LMBR1: variants seen among roughly 807,000 people sequenced by gnomAD.
LMBR1 encodes the protein limb development membrane protein 1.
LMBR1 carries 52 observed loss-of-function variants against 73.9 expected under a neutral mutation model. The ratio of observed to expected loss-of-function variants is 0.70; its 90% CI spans 0.56 to 0.89. The LOEUF (loss-of-function observed/expected upper bound fraction) is 0.89, where lower values mean the gene tolerates loss of function less well. LMBR1 is among the 40% of genes least tolerant of loss of function. The probability of loss-of-function intolerance (pLI) is 0.00; values close to 1 mark genes in which losing one functional copy is unlikely to be tolerated. For missense variants in LMBR1, 539 were observed against 579.8 expected (o/e 0.93, Z 0.72); for synonymous variants, 215 against 209.4 (o/e 1.03, Z -0.23).
At chr7:156,703,990 C>A (rs886249066) in intron 15 of LMBR1, among the ~76,000 whole-genome samples, 35 of 152,186 alleles carry the variant, frequency 2.3e-4, no homozygotes, top group African/African-American at 8.2e-4. Flanking sequence ...AACACAAGGG[C>A]AAAGTGCTTG....
intron 9 of LMBR1, among the ~76,000 whole-genome samples, chr7:156,741,012 C>T (rs184716093): frequency 4.1e-4 from 62 of 152,116 alleles, no homozygotes; most frequent in African/African-American, 8.7e-4. Flanking sequence ...AGTGTGGGGA[C>T]GAAGTTAAAG....
intron 9 of LMBR1, 32 bp downstream of exon 9, chr7:156,756,361 T>C: frequency 9.9e-7 from 1 of 1,008,180 alleles, no homozygotes; most frequent in Non-Finnish European, 1.6e-6. Flanking sequence ...AAGATTTTTT[T>C]ATCCCCGTCT....
downstream of LMBR1, chr7:156,676,967 A>C: frequency 3.7e-6 from 1 of 267,844 alleles, no homozygotes; most frequent in Non-Finnish European, 7.2e-6. Context: ...ACACTCCTTA[A>C]AGTAAGTTCC....
intron 1 of LMBR1, among the ~76,000 whole-genome samples, chr7:156,845,324 G>A (rs1839415243): frequency 1.3e-5 from 2 of 151,870 alleles, no homozygotes; most frequent in African/African-American, 2.4e-5. Context: ...GCAAGATTCC[G>A]TCTCCAAATA....
chr7:156,692,665 A>G (rs986570606), intron 15 of LMBR1, among the ~76,000 whole-genome samples: 1 of 152,128 alleles, frequency 6.6e-6, no homozygotes, highest in Non-Finnish European at 1.5e-5. Flanking sequence ...CAGTGTAGAG[A>G]GAAGAGCTGA....
rs558058048 is a variant in LMBR1, at chr7:156,719,279, A to G, written c.1225+4833T>C. Among the ~76,000 whole-genome samples, 187 of 151,806 alleles carry G rather than the reference A, an allele frequency of 1.2e-3. 2 individuals carry two copies. The highest frequency in any genetic ancestry group is 6.8e-3 in the Middle Eastern group (2 of 294). On this transcript the variant is annotated intron_variant, in intron 15 of 16. Coordinates refer to ENST00000353442, the MANE Select transcript of LMBR1 (RefSeq NM_022458.4). ...AGTTTACTGAGAATGATGATTTCCA[A>G]TTTCATCCATGTCCCTACAAAGGAC...
At chr7:156,755,215 C>T (rs1480657679) in intron 9 of LMBR1, among the ~76,000 whole-genome samples, 1 of 152,192 alleles carries the variant, frequency 6.6e-6, no homozygotes, top group Non-Finnish European at 1.5e-5. Context: ...GCAAGGGTTT[C>T]CTTTTCAACT....
chr7:156,733,370 G>C (rs748459813), intron 10 of LMBR1, among the ~76,000 whole-genome samples: 1 of 152,130 alleles, frequency 6.6e-6, no homozygotes, highest in Non-Finnish European at 1.5e-5. Context: ...CAAAAACATT[G>C]TAAGTGTTGT....
chr7:156,811,751 C>T (rs978699275), intron 4 of LMBR1, among the ~76,000 whole-genome samples: 1 of 152,178 alleles, frequency 6.6e-6, no homozygotes, highest in African/African-American at 2.4e-5. Flanking sequence ...TACTGGTTTT[C>T]TGGAACTGAG....
intron 5 of LMBR1, among the ~76,000 whole-genome samples, chr7:156,772,587 C>T (rs925680405): frequency 6.6e-6 from 1 of 151,962 alleles, no homozygotes; most frequent in African/African-American, 2.4e-5. Context: ...GTGGCTCGCA[C>T]CTGTAATCCC....
chr7:156,766,843 A>G (rs1331097456), intron 5 of LMBR1, among the ~76,000 whole-genome samples: 1 of 152,200 alleles, frequency 6.6e-6, no homozygotes, highest in East Asian at 1.9e-4. Context: ...GAATGTCATC[A>G]TGATGGTGTG....
chr7:156,731,282 A>C (rs1350215887), intron 10 of LMBR1, among the ~76,000 whole-genome samples: 5 of 152,176 alleles, frequency 3.3e-5, no homozygotes, highest in African/African-American at 4.8e-5. Flanking sequence ...GAATATAAGA[A>C]TGAAAAAGCC....
rs974849812 is a variant in LMBR1, at chr7:156,669,900, C to T, written n.867-613G>A. On this transcript the variant is annotated intron_variant and non_coding_transcript_variant, in intron 4 of 4. Coordinates refer to the LMBR1 transcript ENST00000430825. The surrounding 1 kb of genome is among the most constrained non-coding windows in gnomAD (Gnocchi z 4.2). ...TCCAGGTGACAGGAGGGCGGGCGGT[C>T]ATGGCCTAGTGCCATGAAAATGAAA... 6.6e-6 allele frequency among the ~76,000 whole-genome samples: 1 copy of T among 152,148 alleles called. No homozygotes were observed. The highest frequency in any genetic ancestry group is 1.5e-5 in the Non-Finnish European group (1 of 68,020).
chr7:156,686,236 C>T (rs886834384), intron 16 of LMBR1, among the ~76,000 whole-genome samples: 3 of 152,208 alleles, frequency 2.0e-5, no homozygotes, highest in Non-Finnish European at 4.4e-5. Flanking sequence ...TCTGATGTGT[C>T]TCTTCTGCAG....
chr7:156,763,210 C>A, intron 6 of LMBR1, 34 bp from the exon 7 acceptor site: 5 of 882,152 alleles, frequency 5.7e-6, no homozygotes, highest in Non-Finnish European at 8.8e-6. Flanking sequence ...TTTAATAAAT[C>A]CAAAATACTG....
intron 4 of LMBR1, among the ~76,000 whole-genome samples, chr7:156,812,413 G>A (rs1345627055): frequency 2.0e-5 from 3 of 152,186 alleles, no homozygotes. Flanking sequence ...AGATGCAGCA[G>A]AAGGGAAGTC....
chr7:156,849,905 G>A (rs1796010912), intron 1 of LMBR1, among the ~76,000 whole-genome samples: 1 of 152,168 alleles, frequency 6.6e-6, no homozygotes, highest in East Asian at 1.9e-4. Flanking sequence ...TGCTGATAAT[G>A]GCCAAGGCTA....
chr7:156,801,713 G>A (rs1405105460), intron 4 of LMBR1, among the ~76,000 whole-genome samples: 1 of 151,952 alleles, frequency 6.6e-6, no homozygotes, highest in African/African-American at 2.4e-5. Context: ...TGTATTTTTT[G>A]TAGAGATGAG....
intron 5 of LMBR1, among the ~76,000 whole-genome samples, chr7:156,765,349 G>A (rs6953154): frequency 0.029 from 4,422 of 152,152 alleles, 227 homozygotes; most frequent in African/African-American, 0.1. Context: ...TTTTATAAGC[G>A]TCTGGCATGT....
Sources: allele counts gnomAD v4.1 joint callset (sites outside exome capture counted in the v4.1 genomes callset), GRCh38; gene constraint gnomAD v4.1.1; non-coding constraint Gnocchi (gnomAD v3.1); transcripts MANE v1.5; gene names NCBI Gene and HGNC (gene_info 2026-07-23, HGNC 2026-07-21).